Variants in CPED1 observed in about 807,000 individuals in gnomAD.
CPED1 encodes cadherin like and PC-esterase domain containing 1.
CPED1 carries 114 observed loss-of-function variants against 128.2 expected under a neutral mutation model. The ratio of observed to expected loss-of-function variants is 0.89; its 90% confidence interval spans 0.76 to 1.04. The LOEUF (loss-of-function observed/expected upper bound fraction) is 1.04. Among genes scored for constraint, CPED1 ranks in the 50% least tolerant of loss-of-function variants. The probability of loss-of-function intolerance (pLI) is 0.00; values close to 1 mark genes in which losing one functional copy is unlikely to be tolerated. For missense variants in CPED1, 1,211 were observed against 1,207.1 expected, an observed-to-expected ratio of 1.00 and a Z score of -0.05; for synonymous variants, 462 against 426.7, an observed-to-expected ratio of 1.08 and a Z score of -1.02.
intron 5 of CPED1, among the ~76,000 whole-genome samples, chr7:121,078,730 G>A (rs985586874): frequency 1.3e-5 from 2 of 152,136 alleles, no homozygotes; most frequent in Non-Finnish European, 2.9e-5. Flanking sequence ...ACCAACATGT[G>A]TCAACAGCCC....
At chr7:121,233,885 C>G (rs1798192732) in intron 16 of CPED1, among the ~76,000 whole-genome samples, 1 of 151,924 alleles carries the variant, frequency 6.6e-6, no homozygotes, top group Admixed American at 6.6e-5. Flanking sequence ...TCACCAATAC[C>G]CTAGGCTCAT....
At chr7:121,178,208 T>C (rs996764256) in intron 16 of CPED1, among the ~76,000 whole-genome samples, 3 of 151,986 alleles carry the variant, frequency 2.0e-5, no homozygotes, top group African/African-American at 7.2e-5. Flanking sequence ...GTAAGGAATA[T>C]TGGGAAAACA....
chr7:121,077,321 A>G (rs1181053522), intron 5 of CPED1, among the ~76,000 whole-genome samples: 1 of 152,200 alleles, frequency 6.6e-6, no homozygotes, highest in Non-Finnish European at 1.5e-5. Flanking sequence ...CAAATTTTAA[A>G]AATGACTGGA....
intron 2 of CPED1, among the ~76,000 whole-genome samples, chr7:120,999,173 T>C (rs1004657986): frequency 2.0e-5 from 3 of 152,188 alleles, no homozygotes; most frequent in African/African-American, 7.2e-5. Flanking sequence ...TTTCTTTCTC[T>C]TGCTGAACTC....
intron 5 of CPED1, among the ~76,000 whole-genome samples, chr7:121,085,110 G>A (rs1794389492): frequency 6.6e-6 from 1 of 152,158 alleles, no homozygotes; most frequent in African/African-American, 2.4e-5. Context: ...AGTCCCCCAT[G>A]GCCATCTGCT....
At chr7:121,054,296 G>A (rs1187683561) in intron 4 of CPED1, among the ~76,000 whole-genome samples, 1 of 152,108 alleles carries the variant, frequency 6.6e-6, no homozygotes, top group South Asian at 2.1e-4. Flanking sequence ...ACACCACAAG[G>A]TTTATTATAG....
intron 7 of CPED1, among the ~76,000 whole-genome samples, chr7:121,110,114 G>A (rs142351586): frequency 6.6e-6 from 1 of 152,142 alleles, no homozygotes; most frequent in African/African-American, 2.4e-5. Flanking sequence ...TATGACCTTA[G>A]ACAAATCTGC....
intron 4 of CPED1, among the ~76,000 whole-genome samples, chr7:121,053,120 A>G (rs138412000): frequency 6.6e-6 from 1 of 152,332 alleles, no homozygotes; most frequent in East Asian, 1.9e-4. Context: ...TTAATGTTAA[A>G]TCTTACATAA....
intron 3 of CPED1, among the ~76,000 whole-genome samples, chr7:121,016,155 G>A (rs1297938643): frequency 2.6e-5 from 4 of 151,976 alleles, no homozygotes; most frequent in African/African-American, 4.8e-5. Context: ...GTTCTGCCCC[G>A]CACCCAAACT....
chr7:121,099,803 C>A, intron 6 of CPED1, 123 bp from the exon 7 acceptor site: 1 of 965,204 alleles, frequency 1.0e-6, no homozygotes, highest in Non-Finnish European at 1.5e-6. Flanking sequence ...CAAGGAAACC[C>A]ACACACTGAG....
intron 16 of CPED1, among the ~76,000 whole-genome samples, chr7:121,188,484 C>G (rs1203126301): frequency 1.3e-5 from 2 of 152,060 alleles, no homozygotes; most frequent in Non-Finnish European, 2.9e-5. Context: ...GTCAGTTAAT[C>G]TAAATTTAAT....
At chr7:121,161,333 A>T (rs1408485007) in intron 16 of CPED1, among the ~76,000 whole-genome samples, 2 of 152,160 alleles carry the variant, frequency 1.3e-5, no homozygotes, top group Non-Finnish European at 2.9e-5. Context: ...TTTCCTTACA[A>T]GCTGCCAGTC....
At position 121,236,297 on chromosome 7, in the gene CPED1, A is replaced by G. The variant is rs568426075; in HGVS notation, c.2056-417A>G. On this transcript the variant is annotated intron_variant, in intron 16 of 22. Coordinates refer to ENST00000310396, the MANE Select transcript of CPED1 (RefSeq NM_024913.5). ...CATGCATCTGATTCCACTCTGGTGT[A>G]TCATGAATTCTTAATAAAAGTTTGT... Among the ~76,000 whole-genome samples the G allele has an allele frequency of 5.9e-5, 9 of 152,304 alleles. No individual in the cohort carries two copies. The South Asian group carries it at 1.7e-3, about 28-fold the overall frequency.
intron 16 of CPED1, among the ~76,000 whole-genome samples, chr7:121,178,779 A>G (rs992569474): frequency 5.9e-5 from 9 of 152,120 alleles, no homozygotes; most frequent in African/African-American, 1.9e-4. Context: ...TAATGTTCGC[A>G]GGACAAGTTG....
chr7:121,217,756 C>T (rs891859922), intron 16 of CPED1, among the ~76,000 whole-genome samples: 3 of 151,956 alleles, frequency 2.0e-5, no homozygotes, highest in Non-Finnish European at 2.9e-5. Context: ...GTGCCTGTAC[C>T]TCACAGCACC....
At chr7:121,133,613 A>C (rs1483696574) in intron 12 of CPED1, among the ~76,000 whole-genome samples, 1 of 152,028 alleles carries the variant, frequency 6.6e-6, no homozygotes, top group East Asian at 1.9e-4. Flanking sequence ...TTTTCTTCAA[A>C]TATGCTTCTA....
At chr7:121,246,193 G>A (rs1798527532) in intron 18 of CPED1, among the ~76,000 whole-genome samples, 1 of 152,126 alleles carries the variant, frequency 6.6e-6, no homozygotes, top group Non-Finnish European at 1.5e-5. Flanking sequence ...AGCAGTAGAT[G>A]TTCATTTAAG....
At chr7:121,037,718 G>T (rs1000252933) in intron 3 of CPED1, among the ~76,000 whole-genome samples, 4 of 152,036 alleles carry the variant, frequency 2.6e-5, no homozygotes, top group African/African-American at 9.7e-5. Context: ...TTTGTAGATT[G>T]CCTTTGGCAG....
intron 10 of CPED1, 50 bp from the exon 11 acceptor site, chr7:121,128,332 T>A: frequency 9.8e-7 from 1 of 1,015,896 alleles, no homozygotes; most frequent in East Asian, 2.4e-5. Context: ...GGGTTGAACA[T>A]GGTTTGACTT....
Sources: allele counts gnomAD v4.1 joint callset (sites outside exome capture counted in the v4.1 genomes callset), GRCh38; gene constraint gnomAD v4.1.1; transcripts MANE v1.5; gene names NCBI Gene and HGNC (gene_info 2026-07-23, HGNC 2026-07-21).